The following CHODL variants were observed in gnomAD, a reference collection of about 807,000 sequenced individuals.
CHODL encodes chondrolectin.
CHODL carries 29 observed loss-of-function variants against 34.5 expected under a neutral mutation model. That is an observed-to-expected ratio of 0.84 (90% confidence interval 0.63 to 1.15). The LOEUF (loss-of-function observed/expected upper bound fraction) is 1.15. Among genes scored for constraint, CHODL ranks in the 50% most tolerant of loss-of-function variants. The pLI, the probability that CHODL is intolerant of heterozygous loss-of-function variation, is 0.00. For synonymous variants in CHODL, 125 were observed against 116.1 expected (o/e 1.08, Z -0.49); for missense variants, 332 against 332.5 (o/e 1.00, Z 0.01).
chr21:17,962,006 A>G (rs1299005894), intron 1 of CHODL, among the ~76,000 whole-genome samples: 3 of 152,210 alleles, frequency 2.0e-5, no homozygotes, highest in African/African-American at 7.2e-5. Flanking sequence ...TTTCATGAAG[A>G]GAAGTTTCTA....
intron 2 of CHODL, among the ~76,000 whole-genome samples, chr21:18,055,281 G>A (rs1220163033): frequency 1.3e-5 from 2 of 151,910 alleles, no homozygotes; most frequent in East Asian, 3.9e-4. Context: ...CCACCCTTAT[G>A]TCCCCCTACT....
At chr21:18,249,811 G>A (rs1322940208) in intron 1 of CHODL, among the ~76,000 whole-genome samples, 1 of 152,130 alleles carries the variant, frequency 6.6e-6, no homozygotes, top group Non-Finnish European at 1.5e-5. Context: ...CTATGTCATA[G>A]GATTGCTAGG....
chr21:18,041,259 T>G (rs893253111), intron 2 of CHODL, among the ~76,000 whole-genome samples: 1 of 151,858 alleles, frequency 6.6e-6, no homozygotes, highest in Admixed American at 6.6e-5. Context: ...GAAAGAGAGA[T>G]AGTGTTGGAG....
At chr21:18,151,445 C>A (rs1319435390) in intron 2 of CHODL, among the ~76,000 whole-genome samples, 1 of 152,206 alleles carries the variant, frequency 6.6e-6, no homozygotes, top group African/African-American at 2.4e-5. Context: ...CTCTCCACCC[C>A]TTCCTCCATA....
At chr21:18,141,754 G>A (rs2072806491) in intron 2 of CHODL, among the ~76,000 whole-genome samples, 3 of 151,336 alleles carry the variant, frequency 2.0e-5, no homozygotes, top group Non-Finnish European at 2.9e-5. Context: ...ATGATAATGT[G>A]TTGTTGGGAG....
chr21:18,186,674 A>T (rs915485146), intron 2 of CHODL, among the ~76,000 whole-genome samples: 1 of 152,188 alleles, frequency 6.6e-6, no homozygotes, highest in African/African-American at 2.4e-5. Context: ...AGTCTCAATA[A>T]TACCAAACAT....
intron 2 of CHODL, among the ~76,000 whole-genome samples, chr21:18,157,551 A>T (rs1414629160): frequency 6.6e-6 from 1 of 152,216 alleles, no homozygotes; most frequent in Non-Finnish European, 1.5e-5. Context: ...AGGTTGTGTC[A>T]GCCAAACAGC....
chr21:17,928,365 G>C (rs2063245208), intron 1 of CHODL, among the ~76,000 whole-genome samples: 1 of 152,162 alleles, frequency 6.6e-6, no homozygotes, highest in South Asian at 2.1e-4. Flanking sequence ...GATTAAAAGG[G>C]TTCTGAAAAG....
chr21:18,185,007 TTTTTG>T (rs1414796908), intron 2 of CHODL, among the ~76,000 whole-genome samples: 1 of 152,180 alleles, frequency 6.6e-6, no homozygotes, highest in African/African-American at 2.4e-5. Flanking sequence ...TCTCTCTCTT[TTTTTG>T]TTTTATTTTT....
intron 2 of CHODL, among the ~76,000 whole-genome samples, chr21:18,227,973 A>G (rs1032900203): frequency 1.3e-5 from 2 of 152,156 alleles, no homozygotes; most frequent in Admixed American, 6.6e-5. Context: ...ACAACTAACA[A>G]TAATAAGTTG....
chr21:18,028,044 A>G (rs957401932), intron 2 of CHODL: 1 of 152,340 alleles, frequency 6.6e-6, no homozygotes, highest in African/African-American at 2.4e-5. Flanking sequence ...ACTGACTAAG[A>G]CACAGTTCCT....
chr21:18,152,415 C>T (rs953661993), intron 2 of CHODL, among the ~76,000 whole-genome samples: 1 of 152,234 alleles, frequency 6.6e-6, no homozygotes, highest in Non-Finnish European at 1.5e-5. Flanking sequence ...GCTGGGTCCT[C>T]AGGACCTCAC....
chr21:18,261,087 G>A (rs984758864), intron 4 of CHODL, among the ~76,000 whole-genome samples: 1 of 152,152 alleles, frequency 6.6e-6, no homozygotes, highest in Non-Finnish European at 1.5e-5. Flanking sequence ...GTTAACAAAT[G>A]AAGTGATGCG....
At chr21:18,108,347 C>T (rs545559311) in intron 2 of CHODL, among the ~76,000 whole-genome samples, 3 of 152,086 alleles carry the variant, frequency 2.0e-5, no homozygotes, top group African/African-American at 4.8e-5. Flanking sequence ...CCCTCAATGA[C>T]GTCTTACTAT....
chr21:18,194,978 A>G (rs1336888877), intron 2 of CHODL, among the ~76,000 whole-genome samples: 1 of 151,708 alleles, frequency 6.6e-6, no homozygotes, highest in African/African-American at 2.4e-5. Flanking sequence ...CCTAAAATCT[A>G]CTCATTTTGC....
intron 1 of CHODL, among the ~76,000 whole-genome samples, chr21:17,990,671 A>G (rs1224641249): frequency 1.3e-5 from 2 of 152,058 alleles, no homozygotes; most frequent in Non-Finnish European, 2.9e-5. Context: ...TTCCATGTGT[A>G]AAATATTTTT....
chr21:17,926,260 A>C (rs11088660), intron 1 of CHODL, among the ~76,000 whole-genome samples: 152,348 of 152,348 alleles, frequency 1, 76,174 homozygotes, highest in Non-Finnish European at 1. Flanking sequence ...AAAAAATTTA[A>C]TTCTTTGTTT....
intron 2 of CHODL, among the ~76,000 whole-genome samples, chr21:18,172,408 C>T (rs568022564): frequency 6.6e-6 from 1 of 152,160 alleles, no homozygotes; most frequent in East Asian, 1.9e-4. Context: ...CAGTTCTAAA[C>T]CTCTTTTGCC....
chr21:18,158,426 A>T lies in CHODL; in HGVS notation c.-44-98083A>T, dbSNP rs940051386. 2.2e-4 allele frequency among the ~76,000 whole-genome samples: 33 copies of T among 152,346 alleles called. No individual in the cohort carries two copies. The East Asian group carries it at 5.8e-3, about 27-fold the overall frequency. On this transcript the variant is annotated intron_variant, in intron 2 of 6. Coordinates refer to the CHODL transcript ENST00000400127. Reference sequence around the variant, plus strand: ...AACACAGAAGCATAGATTATTCAAAAGACTTAATTAGAAGACAGACCTTCA... The same window carrying T: ...AACACAGAAGCATAGATTATTCAAATGACTTAATTAGAAGACAGACCTTCA...
Sources: gnomAD v4.1 joint callset for allele counts (sites outside exome capture counted in the v4.1 genomes callset) on GRCh38, gnomAD v4.1.1 for gene constraint, MANE v1.5 for transcripts, NCBI Gene and HGNC (gene_info 2026-07-23, HGNC 2026-07-21) for gene names.